SGMS1: variants seen among roughly 807,000 people sequenced by gnomAD.
SGMS1 encodes the protein phosphatidylcholine:ceramide cholinephosphotransferase 1.
A neutral mutation model predicts 46.2 loss-of-function variants in SGMS1; 13 were observed. The ratio of observed to expected loss-of-function variants is 0.28; its 90% CI spans 0.18 to 0.45. The LOEUF (loss-of-function observed/expected upper bound fraction) is 0.45. SGMS1 is among the 20% of genes least tolerant of loss of function. SGMS1 has a pLI of 1.00. For missense variants in SGMS1, 324 were observed against 519.9 expected (o/e 0.62, Z 3.66); for synonymous variants, 203 against 187.8 (o/e 1.08, Z -0.66).
chr10:50,418,535 ACTTTC>A (rs1426288123), intron 6 of SGMS1: 1 of 152,190 alleles, frequency 6.6e-6, no homozygotes, highest in African/African-American at 2.4e-5. Flanking sequence ...TTAAGGCGGA[ACTTTC>A]CTTTCTTGAT....
chr10:50,315,443 T>G (rs1847324567), intron 8 of SGMS1, among the ~76,000 whole-genome samples: 1 of 152,176 alleles, frequency 6.6e-6, no homozygotes, highest in Non-Finnish European at 1.5e-5. Context: ...GCACTGCCTT[T>G]GAAATCAGGC....
intron 2 of SGMS1, among the ~76,000 whole-genome samples, chr10:50,552,071 T>C (rs1361606548): frequency 6.6e-6 from 1 of 152,182 alleles, no homozygotes; most frequent in Non-Finnish European, 1.5e-5. Flanking sequence ...TAAAACTTTA[T>C]TTATAAAAAC....
intron 6 of SGMS1, among the ~76,000 whole-genome samples, chr10:50,416,284 C>G (rs1849168287): frequency 6.6e-6 from 1 of 152,152 alleles, no homozygotes; most frequent in Non-Finnish European, 1.5e-5. Flanking sequence ...ACTAAATTAA[C>G]TAGCTGTGAA....
intron 6 of SGMS1, among the ~76,000 whole-genome samples, chr10:50,373,477 G>A (rs1406309329): frequency 2.6e-5 from 4 of 152,188 alleles, no homozygotes; most frequent in African/African-American, 9.7e-5. Flanking sequence ...AGAGCATTAT[G>A]TGATCATAAC....
chr10:50,308,236 A>T, intron 9 of SGMS1, 88 bp from the exon 10 acceptor site: 1 of 1,169,142 alleles, frequency 8.6e-7, no homozygotes, highest in East Asian at 2.5e-5. Context: ...TTCTGAATCC[A>T]ATTACCTTGA....
At chr10:50,505,693 G>C (rs922050323) in intron 3 of SGMS1, among the ~76,000 whole-genome samples, 3 of 152,160 alleles carry the variant, frequency 2.0e-5, no homozygotes, top group Non-Finnish European at 4.4e-5. Flanking sequence ...CCCTCAAGGA[G>C]TTCATATGCA....
chr10:50,530,545 G>A (rs1282094424), intron 2 of SGMS1, among the ~76,000 whole-genome samples: 1 of 152,116 alleles, frequency 6.6e-6, no homozygotes, highest in Admixed American at 6.5e-5. Context: ...TGCAGTTAGC[G>A]CAATTATAGC....
At chr10:50,403,430 T>C (rs1255069526) in intron 6 of SGMS1, among the ~76,000 whole-genome samples, 1 of 152,198 alleles carries the variant, frequency 6.6e-6, no homozygotes, top group African/African-American at 2.4e-5. Context: ...TTGTCAGGCA[T>C]GCATATATCT....
chr10:50,612,544 G>A (rs1838759866), intron 1 of SGMS1, among the ~76,000 whole-genome samples: 1 of 152,114 alleles, frequency 6.6e-6, no homozygotes, highest in South Asian at 2.1e-4. Flanking sequence ...AATGAAAGGG[G>A]AATTTCACAC....
At chr10:50,443,155 GACTAGC>G (rs1423313501) in intron 5 of SGMS1, among the ~76,000 whole-genome samples, 1 of 152,140 alleles carries the variant, frequency 6.6e-6, no homozygotes, top group East Asian at 1.9e-4. Context: ...ATAATAGCTA[GACTAGC>G]ACTTAGATGC....
At chr10:50,487,234 C>T (rs1438051493) in intron 3 of SGMS1, among the ~76,000 whole-genome samples, 1 of 152,106 alleles carries the variant, frequency 6.6e-6, no homozygotes, top group African/African-American at 2.4e-5. Context: ...AATGCAGGAA[C>T]AGAAAACCAA....
intron 6 of SGMS1, among the ~76,000 whole-genome samples, chr10:50,360,524 G>C (rs904436451): frequency 6.6e-6 from 1 of 152,100 alleles, no homozygotes; most frequent in Non-Finnish European, 1.5e-5. Flanking sequence ...CCAAAAACTC[G>C]GGAGATGATC....
At chr10:50,433,363 G>T (rs989093341) in intron 6 of SGMS1, 113 bp downstream of exon 6, 1 of 152,244 alleles carries the variant, frequency 6.6e-6, no homozygotes, top group African/African-American at 2.4e-5. Context: ...TTATAAAATA[G>T]TTTCTCTTTT....
upstream of SGMS1, chr10:50,624,966 A>T (rs1281287717): frequency 2.9e-6 from 3 of 1,037,404 alleles, no homozygotes; most frequent in East Asian, 2.2e-4. Context: ...CCGCCCGGCC[A>T]TCGGGCCGCG....
At chr10:50,579,162 T>C (rs1838411228) in intron 2 of SGMS1, among the ~76,000 whole-genome samples, 1 of 151,800 alleles carries the variant, frequency 6.6e-6, no homozygotes, top group African/African-American at 2.4e-5. Context: ...TGTCAAAAAA[T>C]TTTAAAAAAA....
chr10:50,497,726 G>A (rs1010811418), intron 3 of SGMS1, among the ~76,000 whole-genome samples: 4 of 151,956 alleles, frequency 2.6e-5, no homozygotes, highest in South Asian at 2.1e-4. Flanking sequence ...CCTGGGAGGC[G>A]GAGGTTGCAG....
At chr10:50,456,456 A>C (rs2133675659) in intron 5 of SGMS1, among the ~76,000 whole-genome samples, 1 of 152,348 alleles carries the variant, frequency 6.6e-6, no homozygotes, top group East Asian at 1.9e-4. Context: ...GAGAACAAGA[A>C]GTAATAATAA....
intron 1 of SGMS1, among the ~76,000 whole-genome samples, chr10:50,597,072 T>G (rs368752329): frequency 3.0e-4 from 45 of 152,180 alleles, no homozygotes; most frequent in East Asian, 2.9e-3. Context: ...GCTCAGTGCT[T>G]TGACCTTGGC....
At chr10:50,559,317 A>G (rs1838214416) in intron 2 of SGMS1, among the ~76,000 whole-genome samples, 1 of 152,142 alleles carries the variant, frequency 6.6e-6, no homozygotes, top group Non-Finnish European at 1.5e-5. Flanking sequence ...ACCCTGACCC[A>G]GCTGCCAGAG....
Sources: gnomAD v4.1 joint callset for allele counts (sites outside exome capture counted in the v4.1 genomes callset) on GRCh38, gnomAD v4.1.1 for gene constraint, MANE v1.5 for transcripts, NCBI Gene and HGNC (gene_info 2026-07-23, HGNC 2026-07-21) for gene names.